ARHGAP44: variants seen among roughly 807,000 people sequenced by gnomAD.
ARHGAP44 encodes rho GTPase-activating protein 44.
ARHGAP44 carries 43 observed loss-of-function variants against 106.8 expected under a neutral mutation model. The observed-to-expected ratio is 0.40, with a 90% CI of 0.32 to 0.52. ARHGAP44 has a LOEUF of 0.52. Ranked by LOEUF, ARHGAP44 falls within the 20% of genes least tolerant of loss-of-function variation. The pLI is 0.48. For missense variants in ARHGAP44, 866 were observed against 1,050.5 expected (o/e 0.82, Z 2.43); for synonymous variants, 439 against 410.3 (o/e 1.07, Z -0.85).
intron 1 of ARHGAP44, among the ~76,000 whole-genome samples, chr17:12,807,700 A>G (rs940083786): frequency 5.3e-5 from 8 of 152,090 alleles, no homozygotes; most frequent in Non-Finnish European, 8.8e-5. Flanking sequence ...ACAATTCAAG[A>G]TGAGATTTGG....
intron 1 of ARHGAP44, among the ~76,000 whole-genome samples, chr17:12,871,790 G>A (rs548029359): frequency 5.9e-5 from 9 of 152,124 alleles, no homozygotes; most frequent in Admixed American, 2.6e-4. Flanking sequence ...ACCTCCCCCC[G>A]TCTCTCTCTT....
chr17:12,849,594 T>TTTTTTTTTTTTTTTTG (rs11373135), intron 1 of ARHGAP44, among the ~76,000 whole-genome samples: 3 of 112,428 alleles, frequency 2.7e-5, no homozygotes, highest in African/African-American at 1.3e-4. Flanking sequence ...TTTTTTTTTT[T>TTTTTTTTTTTTTTTTG]GCTTGGCTTC....
At chr17:12,876,805 G>A (rs2036569001) in intron 1 of ARHGAP44, among the ~76,000 whole-genome samples, 1 of 151,744 alleles carries the variant, frequency 6.6e-6, no homozygotes, top group Non-Finnish European at 1.5e-5. Context: ...CAGCTACGTG[G>A]GAGGCTGAGG....
At chr17:12,952,812 C>T (rs1486100242) in intron 13 of ARHGAP44, among the ~76,000 whole-genome samples, 1 of 147,222 alleles carries the variant, frequency 6.8e-6, no homozygotes, top group Non-Finnish European at 1.5e-5. Flanking sequence ...CAGCTCACTG[C>T]AAGCTCCGCC....
At chr17:12,873,953 A>AT (rs1282557738) in intron 1 of ARHGAP44, among the ~76,000 whole-genome samples, 21 of 137,438 alleles carry the variant, frequency 1.5e-4, no homozygotes, top group African/African-American at 7.1e-4. Flanking sequence ...AAATAAATAA[A>AT]AGAAAGAAAG....
At chr17:12,845,523 C>CCA (rs2035545971) in intron 1 of ARHGAP44, among the ~76,000 whole-genome samples, 1 of 140,990 alleles carries the variant, frequency 7.1e-6, no homozygotes, top group African/African-American at 2.8e-5. Flanking sequence ...AAAAAAAAAA[C>CCA]AAAAAAACAA....
At position 12,949,264 on chromosome 17, in the gene ARHGAP44, C is replaced by T; in HGVS notation, c.973+13C>T. On this transcript the variant is annotated intron_variant, in intron 11 of 20. Coordinates refer to ENST00000379672, the MANE Select transcript of ARHGAP44 (RefSeq NM_014859.6). This position sits in a 1 kb window ranked among gnomAD's most constrained non-coding sequence, Gnocchi z 4.1. ...CACGCAATTGCAGGTGGGCACCTCT[C>T]AGCGCTCCTGTGTGCCATGGAGGCT... is the stretch of plus-strand genomic sequence containing the variant. The T allele has an allele frequency of 6.4e-7, 1 of 1,551,172 alleles. No individual in the cohort carries two copies. Among genetic ancestry groups the T allele is most frequent in the Non-Finnish European group, 8.7e-7 (1 of 1,147,068 alleles).
At chr17:12,972,615 T>C (rs1280705811) in intron 16 of ARHGAP44, among the ~76,000 whole-genome samples, 1 of 151,080 alleles carries the variant, frequency 6.6e-6, no homozygotes, top group Non-Finnish European at 1.5e-5. Context: ...ACCATTGCAC[T>C]CCAGCCTGGG....
At chr17:12,862,366 A>G (rs537734304) in intron 1 of ARHGAP44, among the ~76,000 whole-genome samples, 6 of 152,276 alleles carry the variant, frequency 3.9e-5, no homozygotes, top group South Asian at 2.1e-4. Flanking sequence ...GAGTCAATCA[A>G]TTGACTGCCA....
intron 1 of ARHGAP44, among the ~76,000 whole-genome samples, chr17:12,887,880 T>A (rs2036927581): frequency 6.6e-6 from 1 of 151,426 alleles, no homozygotes. Context: ...TTTTTTTTTT[T>A]AGGAATTTGT....
chr17:12,920,322 G>T (rs189066779), intron 6 of ARHGAP44, among the ~76,000 whole-genome samples: 11,397 of 117,096 alleles, frequency 0.097, 1,050 homozygotes, highest in African/African-American at 0.3. Flanking sequence ...CTTGCAGTGA[G>T]CCGAGATCAT....
At chr17:12,928,056 C>T (rs1005410147) in intron 6 of ARHGAP44, among the ~76,000 whole-genome samples, 1 of 152,052 alleles carries the variant, frequency 6.6e-6, no homozygotes, top group Admixed American at 6.6e-5. Context: ...CCAATTATGC[C>T]TACTTTTGGT....
intron 10 of ARHGAP44, among the ~76,000 whole-genome samples, chr17:12,947,063 C>T (rs770684071): frequency 7.2e-5 from 11 of 152,172 alleles, no homozygotes; most frequent in South Asian, 2.1e-4. Flanking sequence ...CTCTTTTCAA[C>T]ACAACCACAG....
chr17:12,975,674 T>C (rs1299982039), intron 18 of ARHGAP44, among the ~76,000 whole-genome samples: 2 of 151,174 alleles, frequency 1.3e-5, no homozygotes, highest in Admixed American at 6.6e-5. Context: ...GGCGGGCGCC[T>C]GTAGTCCCAG....
rs1057047332 is a variant in ARHGAP44 at position 12,973,712 on chromosome 17, C to G, written c.1542-377C>G. ...GGAGGAGTGAGTGTCCCTGCCCCCC[C>G]AGTTAGGCCACACACCGCTGTGAGG... On this transcript the variant is annotated intron_variant, in intron 17 of 20. Transcript: ENST00000379672. The G allele has an allele frequency of 6.2e-6, 3 of 481,730 alleles. No individual in the cohort carries two copies. In the South Asian group the frequency reaches 8.6e-5, roughly 14 times the overall value. The allele number at this position is 481,730 out of a possible 1,614,324, so 29.8% of individuals were successfully genotyped here. A position where few individuals can be genotyped will look rare whatever the true frequency, so the allele number is the denominator to read the frequency against.
chr17:12,892,675 G>A (rs1264485476), intron 1 of ARHGAP44, among the ~76,000 whole-genome samples: 2 of 151,516 alleles, frequency 1.3e-5, no homozygotes, highest in East Asian at 3.9e-4. Flanking sequence ...TTTGTTTGTT[G>A]ATTTGTTTGG....
At chr17:12,812,510 G>A (rs1254768423) in intron 1 of ARHGAP44, among the ~76,000 whole-genome samples, 1 of 152,168 alleles carries the variant, frequency 6.6e-6, no homozygotes, top group Non-Finnish European at 1.5e-5. Context: ...TAGATTGTGA[G>A]ACATCTATAG....
At chr17:12,906,954 A>AACAAG (rs2037568119) in intron 3 of ARHGAP44, among the ~76,000 whole-genome samples, 1 of 151,918 alleles carries the variant, frequency 6.6e-6, no homozygotes, top group South Asian at 2.1e-4. Flanking sequence ...AACAAAACAA[A>AACAAG]ACAAACAAAA....
At chr17:12,898,568 C>G (rs781779106) in intron 3 of ARHGAP44, among the ~76,000 whole-genome samples, 21 of 152,210 alleles carry the variant, frequency 1.4e-4, no homozygotes, top group African/African-American at 5.1e-4. Flanking sequence ...AGCTTTGGGT[C>G]AGCAGCTATG....
Sources: allele counts gnomAD v4.1 joint callset (sites outside exome capture counted in the v4.1 genomes callset), GRCh38; gene constraint gnomAD v4.1.1; non-coding constraint Gnocchi (gnomAD v3.1); transcripts MANE v1.5; gene names NCBI Gene and HGNC (gene_info 2026-07-23, HGNC 2026-07-21).